UPRT: variants seen among roughly 807,000 people sequenced by gnomAD.
UPRT encodes the protein RP11-311P8.3.
Under a neutral mutation model 22.6 loss-of-function variants are expected in UPRT, and 5 were observed. The ratio of observed to expected loss-of-function variants is 0.22; its 90% CI spans 0.12 to 0.47. The LOEUF is 0.47. Among genes scored for constraint, UPRT ranks in the 20% least tolerant of loss-of-function variants. The pLI is 0.99. For synonymous variants in UPRT, 77 were observed against 87.7 expected (o/e 0.88, Z 0.68); for missense variants, 181 against 239.9 (o/e 0.75, Z 1.62).
In UPRT at chrX:75,186,227, GT is replaced by G. The variant is rs774394547; in HGVS notation, c.-447+18350del. On this transcript the variant is annotated intron_variant, in intron 4 of 13. Transcript: ENST00000652605. ...AGAGATTCTGGTATGGTGTGTGTTTGTTCTCGTTGGTTTCAAAGAACATCTT... is the reference window on the plus strand; with the variant it reads ...AGAGATTCTGGTATGGTGTGTGTTTGTCTCGTTGGTTTCAAAGAACATCTT... Among the ~76,000 whole-genome samples the G allele has an allele frequency of 3.3e-3, 368 of 111,145 alleles. 2 individuals are homozygous for G. Among genetic ancestry groups the G allele is most frequent in the African/African-American group, 0.012 (352 of 30,505 alleles).
At chrX:75,289,065 T>C (rs963617076) in intron 1 of UPRT, among the ~76,000 whole-genome samples, 3 of 110,853 alleles carry the variant, frequency 2.7e-5, no homozygotes, top group African/African-American at 9.8e-5. Flanking sequence ...GAGAGCCAAA[T>C]CAAGAACACA....
upstream of UPRT, among the ~76,000 whole-genome samples, chrX:75,272,300 G>GTATA (rs200145327): frequency 1.9e-3 from 40 of 21,332 alleles, no homozygotes; most frequent in African/African-American, 2.6e-3. Context: ...ATATATATGT[G>GTATA]TATATATATG....
chrX:75,286,460 A>G (rs1306288483), intron 1 of UPRT, among the ~76,000 whole-genome samples: 2 of 111,452 alleles, frequency 1.8e-5, no homozygotes, highest in Non-Finnish European at 3.8e-5. Context: ...TGAAATGACA[A>G]TTAATTCAGT....
chrX:75,288,812 A>G (rs775045617), intron 1 of UPRT, among the ~76,000 whole-genome samples: 1 of 111,722 alleles, frequency 9.0e-6, no homozygotes. Context: ...ACTCCTATTC[A>G]ACACAGTACT....
intron 3 of UPRT, among the ~76,000 whole-genome samples, chrX:75,164,012 T>C (rs968113416): frequency 2.7e-5 from 3 of 110,853 alleles, no homozygotes; most frequent in Non-Finnish European, 5.7e-5. Context: ...ACCCCATCTC[T>C]ACTAAAGATA....
chrX:75,202,065 G>A (rs1269491595), intron 4 of UPRT, among the ~76,000 whole-genome samples: 3 of 111,745 alleles, frequency 2.7e-5, no homozygotes, highest in Non-Finnish European at 5.6e-5. Context: ...ATAACAAAAG[G>A]AAGACCATGG....
At chrX:75,162,405 A>C (rs2082202752) in intron 2 of UPRT, among the ~76,000 whole-genome samples, 3 of 111,850 alleles carry the variant, frequency 2.7e-5, no homozygotes, top group Non-Finnish European at 5.6e-5. Flanking sequence ...ATAGATTAAT[A>C]ACTCAGTATG....
At chrX:75,174,842 G>A (rs2082241699) in intron 4 of UPRT, among the ~76,000 whole-genome samples, 1 of 111,426 alleles carries the variant, frequency 9.0e-6, no homozygotes, top group Non-Finnish European at 1.9e-5. Context: ...ATTTACCTTG[G>A]CTTTTAAAGG....
At chrX:75,294,037 A>G (rs1602496644) in intron 2 of UPRT, among the ~76,000 whole-genome samples, 3 of 110,525 alleles carry the variant, frequency 2.7e-5, no homozygotes, top group Admixed American at 9.7e-5. Flanking sequence ...ACCAAGCTCA[A>G]TTCTGTTTAG....
At chrX:75,230,854 A>T (rs1411339661) in intron 4 of UPRT, among the ~76,000 whole-genome samples, 1 of 111,701 alleles carries the variant, frequency 9.0e-6, no homozygotes, top group African/African-American at 3.3e-5. Flanking sequence ...AGGCAATAAC[A>T]ATCAGTGCAG....
At position 75,252,004 on chromosome X, in the gene UPRT, T is replaced by G. The variant is rs184756839; in HGVS notation, c.-446-39020T>G. Among the ~76,000 whole-genome samples, 324 of 112,093 alleles carry G rather than the reference T, an allele frequency of 2.9e-3. 1 individual carries two copies. The highest frequency in any genetic ancestry group is 9.7e-3 in the African/African-American group (301 of 30,885). Reference sequence around the variant, plus strand: ...TAAATGGTGCTGGGAAAACTGGCTATCCAGATGTAGAAAGCTGAAACTGCA... The same window carrying G: ...TAAATGGTGCTGGGAAAACTGGCTAGCCAGATGTAGAAAGCTGAAACTGCA... On this transcript the variant is annotated intron_variant, in intron 4 of 13. Coordinates refer to the UPRT transcript ENST00000652605.
At chrX:75,267,992 C>T (rs978020383) in intron 4 of UPRT, among the ~76,000 whole-genome samples, 5 of 110,391 alleles carry the variant, frequency 4.5e-5, no homozygotes, top group African/African-American at 1.3e-4. Flanking sequence ...TCGAAAAGAT[C>T]AACAAATTAG....
At chrX:75,295,442 G>A (rs1000581615) in intron 2 of UPRT, among the ~76,000 whole-genome samples, 2 of 111,876 alleles carry the variant, frequency 1.8e-5, no homozygotes, top group Non-Finnish European at 3.8e-5. Context: ...GGCTGGAAGT[G>A]AGTATGCACA....
At chrX:75,255,844 G>A (rs2082547899) in intron 4 of UPRT, among the ~76,000 whole-genome samples, 1 of 111,541 alleles carries the variant, frequency 9.0e-6, no homozygotes, top group African/African-American at 3.3e-5. Context: ...CTTAACACTG[G>A]AGCTCTTAAA....
At chrX:75,227,630 T>C (rs1203808649) in intron 4 of UPRT, among the ~76,000 whole-genome samples, 1 of 112,471 alleles carries the variant, frequency 8.9e-6, no homozygotes, top group African/African-American at 3.2e-5. Context: ...TTGAATTCTT[T>C]TTCATGGGGT....
intron 4 of UPRT, among the ~76,000 whole-genome samples, chrX:75,268,827 C>A (rs920608815): frequency 8.9e-6 from 1 of 111,965 alleles, no homozygotes; most frequent in African/African-American, 3.2e-5. Context: ...ATGCTGGAAG[C>A]ATTCCCTTTG....
intron 4 of UPRT, among the ~76,000 whole-genome samples, chrX:75,244,711 GC>G (rs200703782): frequency 0.013 from 1,455 of 111,292 alleles, 17 homozygotes; most frequent in African/African-American, 0.045. Flanking sequence ...AAGATACCTG[GC>G]TAGTAATATG....
At chrX:75,160,214 GT>G (rs1299004375) in intron 1 of UPRT, among the ~76,000 whole-genome samples, 1 of 111,619 alleles carries the variant, frequency 9.0e-6, no homozygotes, top group Non-Finnish European at 1.9e-5. Context: ...CGATAAATAG[GT>G]TTGATTTTCC....
At chrX:75,212,732 T>C (rs2082383194) in intron 4 of UPRT, among the ~76,000 whole-genome samples, 1 of 110,780 alleles carries the variant, frequency 9.0e-6, no homozygotes, top group Admixed American at 9.6e-5. Flanking sequence ...ATGTGGGAGC[T>C]GAACAATAAG....
Sources: allele counts gnomAD v4.1 joint callset (sites outside exome capture counted in the v4.1 genomes callset), GRCh38; gene constraint gnomAD v4.1.1; transcripts MANE v1.5; gene names NCBI Gene and HGNC (gene_info 2026-07-23, HGNC 2026-07-21).